Variants in MTTP observed in about 807,000 individuals in gnomAD.
MTTP encodes microsomal triglyceride transfer protein, also known as microsomal triglyceride transfer protein large subunit.
Under a neutral mutation model 90.6 loss-of-function variants are expected in MTTP, and 49 were observed. The ratio of observed to expected loss-of-function variants is 0.54; its 90% CI spans 0.43 to 0.69. The LOEUF (loss-of-function observed/expected upper bound fraction) is 0.69, where lower values mean the gene tolerates loss of function less well. Among genes scored for constraint, MTTP ranks in the 30% least tolerant of loss-of-function variants. MTTP has a pLI of 0.00. For synonymous variants in MTTP, 347 were observed against 384.2 expected (o/e 0.90, Z 1.13); for missense variants, 945 against 1,067.5 (o/e 0.89, Z 1.60).
At chr4:99,602,042 A>G (rs1015753545) in intron 10 of MTTP, among the ~76,000 whole-genome samples, 1 of 152,050 alleles carries the variant, frequency 6.6e-6, no homozygotes, top group Non-Finnish European at 1.5e-5. Context: ...CCCTACCCAT[A>G]TACTTTATTG....
chr4:99,610,339 G>C lies in MTTP; in HGVS notation c.1770-804G>C, dbSNP rs150817371. ...CAAGAAGACCCTTTGAATATCTGAG[G>C]ATAGCTGTCATAACCCTTCTCATCT... On this transcript the variant is annotated intron_variant, in intron 12 of 17. Transcript: ENST00000265517. Among the ~76,000 whole-genome samples the C allele has an allele frequency of 3.1e-3, 469 of 152,250 alleles. 3 individuals are homozygous for C. Among genetic ancestry groups the C allele is most frequent in the African/African-American group, 0.01 (433 of 41,546 alleles).
In MTTP at chr4:99,589,624, G is replaced by C. The variant is rs769148641; in HGVS notation, c.394-19G>C. 7.0e-7 allele frequency: 1 copy of C among 1,434,972 alleles called. No individual in the cohort carries two copies. Among genetic ancestry groups the C allele is most frequent in the Non-Finnish European group, 9.8e-7 (1 of 1,018,636 alleles). 88.9% of individuals were successfully genotyped at this position (1,434,972 alleles called of 1,614,324 possible). A position where few individuals can be genotyped will look rare whatever the true frequency, so the allele number is the denominator to read the frequency against. On this transcript the variant is annotated intron_variant, in intron 3 of 17. Coordinates refer to ENST00000265517, the MANE Select transcript of MTTP (RefSeq NM_001386140.1). ...TGCATTTTTGCTTCATTTGTGTTCT[G>C]TTCCCCTCTCCCCACCAGGTCAAAG...
At chr4:99,591,983 A>C (rs1379287270) in intron 6 of MTTP, among the ~76,000 whole-genome samples, 193 bp downstream of exon 6, 1 of 152,112 alleles carries the variant, frequency 6.6e-6, no homozygotes, top group Non-Finnish European at 1.5e-5. Context: ...TAGAGTATAC[A>C]TACACAAACC....
At chr4:99,564,965 G>T (rs1256134112) in intron 1 of MTTP, among the ~76,000 whole-genome samples, 1 of 152,320 alleles carries the variant, frequency 6.6e-6, no homozygotes, top group Non-Finnish European at 1.5e-5. Flanking sequence ...CTATAACACT[G>T]TTGTGAGTCC....
chr4:99,594,368 C>A (rs948506813), intron 6 of MTTP, among the ~76,000 whole-genome samples: 2 of 152,178 alleles, frequency 1.3e-5, no homozygotes, highest in Non-Finnish European at 2.9e-5. Context: ...GATTTTCTAG[C>A]TGTCTTGGTT....
intron 2 of MTTP, among the ~76,000 whole-genome samples, chr4:99,582,523 T>C (rs1038788581): frequency 6.6e-6 from 1 of 152,214 alleles, no homozygotes; most frequent in Admixed American, 6.5e-5. Context: ...GTAAACCTAG[T>C]CTGTGTTCTT....
At chr4:99,622,511 G>T (rs1481051453) in intron 17 of MTTP, among the ~76,000 whole-genome samples, 166 bp from the exon 18 acceptor site, 1 of 152,158 alleles carries the variant, frequency 6.6e-6, no homozygotes, top group East Asian at 1.9e-4. Context: ...GATATAAAAA[G>T]AAATGAGAAG....
intron 1 of MTTP, among the ~76,000 whole-genome samples, chr4:99,578,654 T>C (rs1445561908): frequency 6.6e-6 from 1 of 152,194 alleles, no homozygotes; most frequent in Non-Finnish European, 1.5e-5. Flanking sequence ...GTGAATAACA[T>C]AATAGTTTGG....
At chr4:99,567,535 G>GC (rs1435046470) in intron 1 of MTTP, among the ~76,000 whole-genome samples, 1 of 152,178 alleles carries the variant, frequency 6.6e-6, no homozygotes, top group Non-Finnish European at 1.5e-5. Context: ...CTGGCAGGTT[G>GC]TTCAGCAGAC....
At chr4:99,610,973 G>A in intron 12 of MTTP, among the ~76,000 whole-genome samples, 170 bp from the exon 13 acceptor site, 1 of 152,124 alleles carries the variant, frequency 6.6e-6, no homozygotes, top group East Asian at 1.9e-4. Flanking sequence ...GAAGGGGCTA[G>A]CCCTAATCCT....
At chr4:99,578,126 G>A (rs1725012794) in intron 1 of MTTP, among the ~76,000 whole-genome samples, 1 of 152,100 alleles carries the variant, frequency 6.6e-6, no homozygotes, top group African/African-American at 2.4e-5. Context: ...CCAGTTATCA[G>A]TGATTGTACT....
chr4:99,588,365 A>G (rs1163897313), intron 3 of MTTP, among the ~76,000 whole-genome samples: 1 of 152,132 alleles, frequency 6.6e-6, no homozygotes. Flanking sequence ...TCTATCCTCT[A>G]TTTCTAAATT....
chr4:99,583,817 G>T (rs535876450), intron 3 of MTTP: 3 of 535,718 alleles, frequency 5.6e-6, no homozygotes, highest in Admixed American at 6.8e-5. Flanking sequence ...AAATTATAAG[G>T]GATTACAAAC....
intron 16 of MTTP, among the ~76,000 whole-genome samples, chr4:99,620,600 T>A (rs2110237994): frequency 6.6e-6 from 1 of 152,306 alleles, no homozygotes; most frequent in Middle Eastern, 3.4e-3. Context: ...TTGGAGAAGG[T>A]AATGAAATGG....
upstream of MTTP, among the ~76,000 whole-genome samples, chr4:99,572,799 A>G (rs1724868328): frequency 6.6e-6 from 1 of 152,134 alleles, no homozygotes; most frequent in Admixed American, 6.5e-5. Flanking sequence ...GAATTTGGAA[A>G]GGCTTTGGCA....
At chr4:99,620,977 C>T in intron 16 of MTTP, 84 bp from the exon 17 acceptor site, 1 of 1,314,702 alleles carries the variant, frequency 7.6e-7, no homozygotes. Flanking sequence ...ATCATACGTT[C>T]AGACCCTGTA....
chr4:99,571,664 ATCTT>A (rs1200625773), upstream of MTTP, among the ~76,000 whole-genome samples: 2 of 151,946 alleles, frequency 1.3e-5, no homozygotes, highest in Non-Finnish European at 2.9e-5. Flanking sequence ...AATTCAGTGA[ATCTT>A]TATTTTCTCG....
intron 17 of MTTP, among the ~76,000 whole-genome samples, chr4:99,622,024 T>A (rs966478483): frequency 6.6e-6 from 1 of 152,198 alleles, no homozygotes; most frequent in Non-Finnish European, 1.5e-5. Flanking sequence ...TTACTGACAT[T>A]TCATGATTCA....
intron 16 of MTTP, chr4:99,620,771 G>A: frequency 2.6e-6 from 1 of 389,876 alleles, no homozygotes; most frequent in Non-Finnish European, 4.7e-6. Context: ...TTTGGTCTTT[G>A]TTATGCCCAT....
Sources: gnomAD v4.1 joint callset for allele counts (sites outside exome capture counted in the v4.1 genomes callset) on GRCh38, gnomAD v4.1.1 for gene constraint, MANE v1.5 for transcripts, NCBI Gene and HGNC (gene_info 2026-07-23, HGNC 2026-07-21) for gene names.